Variants in DHRS12 observed in about 807,000 individuals in gnomAD.
DHRS12 encodes dehydrogenase/reductase SDR family member 12.
In DHRS12, 29 loss-of-function variants were observed where a neutral mutation model predicts 32.1. That is an observed-to-expected ratio of 0.90 (90% confidence interval 0.67 to 1.23). The LOEUF (loss-of-function observed/expected upper bound fraction) is 1.23. Ranked by LOEUF, DHRS12 falls within the 50% of genes most tolerant of loss-of-function variation. The pLI is 0.00. For missense variants in DHRS12, 330 were observed against 337.2 expected, an observed-to-expected ratio of 0.98 and a Z score of 0.17; for synonymous variants, 150 against 135.9, an observed-to-expected ratio of 1.10 and a Z score of -0.72.
chr13:51,767,267 C>G (rs1953779274), downstream of DHRS12: 1 of 152,264 alleles, frequency 6.6e-6, no homozygotes, highest in South Asian at 2.1e-4. Flanking sequence ...ATTGCTGAGG[C>G]CCATCATCCT....
intron 5 of DHRS12, among the ~76,000 whole-genome samples, chr13:51,776,712 C>T (rs1217447589): frequency 1.3e-5 from 2 of 152,342 alleles, no homozygotes; most frequent in African/African-American, 4.8e-5. Flanking sequence ...TAGCCAGTCC[C>T]TTCCCCTCTG....
At chr13:51,777,235 G>A in intron 4 of DHRS12, 114 bp from the exon 5 acceptor site, 1 of 1,137,804 alleles carries the variant, frequency 8.8e-7, no homozygotes, top group Non-Finnish European at 1.3e-6. Flanking sequence ...AAGAGGGCAA[G>A]TGGCCACCTG....
the DHRS12 span, chr13:51,762,463 C>T: frequency 2.0e-5 from 3 of 152,246 alleles, no homozygotes; most frequent in African/African-American, 4.8e-5. Context: ...CTTTCCTTTT[C>T]TCTCATCTGT....
chr13:51,796,951 G>C (rs1439579374), intron 2 of DHRS12, among the ~76,000 whole-genome samples: 6 of 152,222 alleles, frequency 3.9e-5, no homozygotes, highest in African/African-American at 1.4e-4. Context: ...CCATCCTAGA[G>C]AGGGGCATTC....
intron 4 of DHRS12, among the ~76,000 whole-genome samples, chr13:51,780,070 G>A (rs201081326): frequency 2.6e-5 from 4 of 152,052 alleles, no homozygotes; most frequent in Non-Finnish European, 4.4e-5. Context: ...CCAGCTACTC[G>A]GGAGGCTGAG....
intron 2 of DHRS12, among the ~76,000 whole-genome samples, chr13:51,793,202 T>G (rs1955360544): frequency 6.6e-6 from 1 of 152,230 alleles, no homozygotes; most frequent in East Asian, 1.9e-4. Flanking sequence ...TTAAACCTTT[T>G]TCTCTGTACC....
chr13:51,791,095 C>T (rs900809105), intron 3 of DHRS12, 70 bp downstream of exon 3: 9 of 1,074,222 alleles, frequency 8.4e-6, no homozygotes, highest in South Asian at 1.6e-5. Context: ...CATACATATC[C>T]GTCCACATCC....
chr13:51,784,125 T>C (rs999855536), intron 4 of DHRS12, among the ~76,000 whole-genome samples: 1 of 152,230 alleles, frequency 6.6e-6, no homozygotes, highest in Non-Finnish European at 1.5e-5. Flanking sequence ...CTGGAGGAAC[T>C]GGACTACAAC....
chr13:51,767,861 G>A (rs1953819055), downstream of DHRS12: 1 of 388,984 alleles, frequency 2.6e-6, no homozygotes, highest in Non-Finnish European at 3.8e-6. Flanking sequence ...AGTTCACAGG[G>A]GGGCATTCCT....
chr13:51,800,157 G>A (rs1955686977), intron 1 of DHRS12, among the ~76,000 whole-genome samples: 1 of 152,192 alleles, frequency 6.6e-6, no homozygotes, highest in Admixed American at 6.5e-5. Context: ...ACCCATCAGA[G>A]GAAGCCAAGG....
In DHRS12 at chr13:51,801,785, AG is replaced by A. The variant is rs142183795; in HGVS notation, c.-8-2119del. On this transcript the variant is annotated intron_variant, in intron 1 of 8. Coordinates refer to ENST00000444610, the MANE Select transcript of DHRS12 (RefSeq NM_001377533.1). ...TAGAGCCAGAAAAAAAGCAGTCCAC[AG>A]GGAACAGGCCTGAAGAGCCCTTCTC... Among the ~76,000 whole-genome samples the A allele has an allele frequency of 9.3e-3, 1,417 of 152,324 alleles. 24 individuals are homozygous for A. The highest frequency in any genetic ancestry group is 0.032 in the African/African-American group (1,341 of 41,566).
chr13:51,796,128 G>A (rs559617918), intron 2 of DHRS12, among the ~76,000 whole-genome samples: 6 of 152,320 alleles, frequency 3.9e-5, no homozygotes, highest in African/African-American at 1.4e-4. Flanking sequence ...CTTTGCCCAA[G>A]CTCACAGGCC....
At position 51,779,861 on chromosome 13, in the gene DHRS12, G is replaced by A. The variant is rs571217746; in HGVS notation, c.302-2740C>T. Among the ~76,000 whole-genome samples, 3 of 152,178 alleles carry A rather than the reference G, an allele frequency of 2.0e-5. No individual in the cohort carries two copies. The South Asian group carries it at 6.2e-4, about 32-fold the overall frequency. ...AGTTAGGAAGTCCACCAGTTCTCCC[G>A]GGATAACCAGCTACCCTTTAAAATA... On this transcript the variant is annotated intron_variant, in intron 4 of 8. Coordinates refer to ENST00000444610, the MANE Select transcript of DHRS12 (RefSeq NM_001377533.1).
In DHRS12 at chr13:51,803,702, A is replaced by T. The variant is rs558622898; in HGVS notation, c.-9+352T>A. 1.5e-5 allele frequency: 3 copies of T among 197,066 alleles called. No homozygotes were observed. In the South Asian group the frequency reaches 5.0e-4, roughly 33 times the overall value. 12.2% of individuals were successfully genotyped at this position (197,066 alleles called of 1,614,324 possible). Reference sequence around the variant, plus strand: ...CCTATCTGACGCCGCCAGCAGCACCACGAAGACACTTCCACGAGCACACCC... The same window carrying T: ...CCTATCTGACGCCGCCAGCAGCACCTCGAAGACACTTCCACGAGCACACCC... On this transcript the variant is annotated intron_variant, in intron 1 of 8. Transcript: ENST00000444610.
At chr13:51,759,777 C>T in the DHRS12 span, 1 of 1,613,386 alleles carries the variant, frequency 6.2e-7, no homozygotes, top group Non-Finnish European at 8.5e-7. Context: ...TGATGACTCT[C>T]CCAGGAATCA....
At chr13:51,771,671 C>A in intron 7 of DHRS12, 150 bp downstream of exon 7, 1 of 1,325,810 alleles carries the variant, frequency 7.5e-7, no homozygotes, top group Non-Finnish European at 1.1e-6. Flanking sequence ...GCTGCAGTCC[C>A]AACGCGCCCC....
Position 51,777,071 on chromosome 13 carries a change from C to T in DHRS12, c.352G>A (p.Asp118Asn), listed in dbSNP as rs923222266. Residue 118 changes from aspartate (D) to asparagine (N), a missense_variant, in exon 5 of 9, where the codon GAC becomes AAC. Asp to Asn is a conservative substitution (Grantham distance 23). Coordinates refer to ENST00000444610, the MANE Select transcript of DHRS12 (RefSeq NM_001377533.1). ...GLIPVLEKEHDPRVITVSSGG... is the reference protein window; with the variant it reads ...GLIPVLEKEHNPRVITVSSGG... ...TAAGGTCAACTCACCACTCGGGGGT[C>T]GTGTTCTTTCTCCAGCACAGGGATC... The T allele has an allele frequency of 1.2e-6, 2 of 1,614,096 alleles. No homozygotes were observed. The highest frequency in any genetic ancestry group is 2.2e-5 in the East Asian group (1 of 44,868).
At chr13:51,772,769 AT>A in intron 6 of DHRS12, 1 of 985,432 alleles carries the variant, frequency 1.0e-6, no homozygotes, top group Non-Finnish European at 1.2e-6. Flanking sequence ...TCTGGGCCTC[AT>A]TTACAAGTGG....
chr13:51,783,640 G>A (rs1010451043), intron 4 of DHRS12, among the ~76,000 whole-genome samples: 7 of 152,074 alleles, frequency 4.6e-5, no homozygotes, highest in Middle Eastern at 3.4e-3. Flanking sequence ...TCCCTCTGTC[G>A]TCACACCCTC....
Sources: allele counts gnomAD v4.1 joint callset (sites outside exome capture counted in the v4.1 genomes callset), GRCh38; gene constraint gnomAD v4.1.1; transcripts MANE v1.5; gene names NCBI Gene and HGNC (gene_info 2026-07-23, HGNC 2026-07-21).